Variants in DLG2 observed in about 807,000 individuals in gnomAD.
The protein encoded by DLG2 is discs large MAGUK scaffold protein 2.
In DLG2, 45 loss-of-function variants were observed where a neutral mutation model predicts 132.5. The ratio of observed to expected loss-of-function variants is 0.34; its 90% CI spans 0.27 to 0.44. The LOEUF is 0.44. Among genes scored for constraint, DLG2 ranks in the 20% least tolerant of loss-of-function variants. The probability of loss-of-function intolerance (pLI) is 1.00; values close to 1 mark genes in which losing one functional copy is unlikely to be tolerated. For synonymous variants in DLG2, 424 were observed against 419.6 expected (o/e 1.01, Z -0.13); for missense variants, 1,045 against 1,196.9 (o/e 0.87, Z 1.87).
intron 18 of DLG2, among the ~76,000 whole-genome samples, chr11:83,761,697 C>T (rs934371966): frequency 3.3e-5 from 5 of 152,114 alleles, no homozygotes; most frequent in African/African-American, 7.2e-5. Context: ...CTCTAATCCC[C>T]CTGTGCTTCC....
chr11:84,275,025 ACAG>A (rs2097771049), intron 7 of DLG2, among the ~76,000 whole-genome samples: 1 of 152,178 alleles, frequency 6.6e-6, no homozygotes, highest in South Asian at 2.1e-4. Flanking sequence ...TCAGGAAACA[ACAG>A]GAAAATAAAA....
intron 6 of DLG2, among the ~76,000 whole-genome samples, chr11:84,965,331 A>G (rs193271927): frequency 1.7e-4 from 26 of 152,094 alleles, no homozygotes; most frequent in African/African-American, 5.5e-4. Context: ...TTATGATATC[A>G]AATGTTCTCT....
At chr11:83,668,646 CAT>C (rs1351343951) in intron 18 of DLG2, among the ~76,000 whole-genome samples, 13 of 150,764 alleles carry the variant, frequency 8.6e-5, no homozygotes, top group African/African-American at 1.9e-4. Context: ...TATATACACA[CAT>C]GTGTATGTAT....
At chr11:84,830,816 T>A (rs1214874373) in intron 6 of DLG2, among the ~76,000 whole-genome samples, 2 of 151,492 alleles carry the variant, frequency 1.3e-5, no homozygotes, top group Non-Finnish European at 3.0e-5. Flanking sequence ...TATAAGATAA[T>A]AAGATAATAT....
intron 6 of DLG2, among the ~76,000 whole-genome samples, chr11:84,793,636 C>T (rs919149858): frequency 6.6e-6 from 1 of 152,118 alleles, no homozygotes; most frequent in African/African-American, 2.4e-5. Context: ...CTGTACGGAC[C>T]CCTTTATCAT....
intron 7 of DLG2, among the ~76,000 whole-genome samples, chr11:84,462,349 T>C (rs2099082569): frequency 6.6e-6 from 1 of 151,024 alleles, no homozygotes; most frequent in Admixed American, 6.6e-5. Flanking sequence ...CTAACATTTT[T>C]TTAAAAACCT....
intron 6 of DLG2, among the ~76,000 whole-genome samples, chr11:84,988,621 A>G (rs959052045): frequency 8.5e-5 from 13 of 152,224 alleles, no homozygotes; most frequent in African/African-American, 3.1e-4. Flanking sequence ...TAACTCAGGA[A>G]TGGAAAACCA....
intron 9 of DLG2, among the ~76,000 whole-genome samples, chr11:84,120,111 T>C (rs1362266321): frequency 6.6e-6 from 1 of 152,172 alleles, no homozygotes; most frequent in Non-Finnish European, 1.5e-5. Context: ...GAGGTGGATA[T>C]TCTTTTTCAC....
intron 5 of DLG2, among the ~76,000 whole-genome samples, chr11:85,119,058 A>G (rs999862055): frequency 3.9e-5 from 6 of 151,982 alleles, no homozygotes; most frequent in Non-Finnish European, 5.9e-5. Flanking sequence ...TGAGTATAAA[A>G]TAGTAATATT....
intron 6 of DLG2, among the ~76,000 whole-genome samples, chr11:85,091,674 T>C (rs1021008476): frequency 6.6e-6 from 1 of 152,224 alleles, no homozygotes; most frequent in Non-Finnish European, 1.5e-5. Flanking sequence ...TCTTTAGAAG[T>C]AAATTTTGTC....
At chr11:84,448,395 A>T (rs984929627) in intron 7 of DLG2, among the ~76,000 whole-genome samples, 12 of 152,062 alleles carry the variant, frequency 7.9e-5, no homozygotes, top group African/African-American at 2.9e-4. Context: ...GCAATAATTA[A>T]TGAGTAATAC....
intron 21 of DLG2, among the ~76,000 whole-genome samples, chr11:83,495,690 C>T (rs2094114915): frequency 6.6e-6 from 1 of 152,116 alleles, no homozygotes; most frequent in South Asian, 2.1e-4. Flanking sequence ...AGGCTGCTTT[C>T]CTGAACCTCA....
intron 6 of DLG2, among the ~76,000 whole-genome samples, chr11:85,030,457 T>A (rs985072940): frequency 6.6e-6 from 1 of 152,232 alleles, no homozygotes; most frequent in African/African-American, 2.4e-5. Context: ...CTTATGCTAT[T>A]ATGTCTTGCA....
At chr11:83,524,839 C>A (rs978554477) in intron 21 of DLG2, among the ~76,000 whole-genome samples, 2 of 152,152 alleles carry the variant, frequency 1.3e-5, no homozygotes, top group Non-Finnish European at 2.9e-5. Flanking sequence ...TTTACTGATT[C>A]TTCAAGGCTC....
intron 9 of DLG2, among the ~76,000 whole-genome samples, chr11:84,122,440 A>G (rs536434511): frequency 6.6e-6 from 1 of 152,338 alleles, no homozygotes. Context: ...TGATTAGTCA[A>G]CTGATGACCA....
chr11:84,328,042 C>G (rs188068259), intron 7 of DLG2, among the ~76,000 whole-genome samples: 5 of 152,276 alleles, frequency 3.3e-5, no homozygotes, highest in African/African-American at 1.2e-4. Context: ...CAACTCTTCC[C>G]GTTCTAGATC....
rs555567221 is a variant in DLG2, at chr11:83,880,865, C to T, written c.1497-6377G>A. Among the ~76,000 whole-genome samples the T allele has an allele frequency of 8.5e-5, 13 of 152,276 alleles. No homozygotes were observed. The South Asian group carries it at 2.5e-3, about 29-fold the overall frequency. On this transcript the variant is annotated intron_variant, in intron 15 of 27. Coordinates refer to ENST00000376104, the MANE Select transcript of DLG2 (RefSeq NM_001142699.3). ...GATACCCATCTGTCCACAGTAGCCA[C>T]TGGATGACTGAGATATTCCTTGCAT...
chr11:85,311,258 T>G (rs2080295671), intron 3 of DLG2, among the ~76,000 whole-genome samples: 1 of 152,160 alleles, frequency 6.6e-6, no homozygotes, highest in South Asian at 2.1e-4. Context: ...ATGATGATGG[T>G]GAGGATGAGA....
intron 18 of DLG2, among the ~76,000 whole-genome samples, chr11:83,704,858 A>G (rs950759709): frequency 6.6e-6 from 1 of 152,014 alleles, no homozygotes; most frequent in Non-Finnish European, 1.5e-5. Flanking sequence ...TTCAGCAGGA[A>G]AAAAACTGAG....
Sources: allele counts gnomAD v4.1 joint callset (sites outside exome capture counted in the v4.1 genomes callset), GRCh38; gene constraint gnomAD v4.1.1; transcripts MANE v1.5; gene names NCBI Gene and HGNC (gene_info 2026-07-23, HGNC 2026-07-21).